DPYD: variants seen among roughly 807,000 people sequenced by gnomAD.
DPYD encodes the protein dihydropyrimidine dehydrogenase [NADP(+)].
Under a neutral mutation model 116.2 loss-of-function variants are expected in DPYD, and 109 were observed. The ratio of observed to expected loss-of-function variants is 0.94; its 90% CI spans 0.80 to 1.10. The LOEUF is 1.10. Among genes scored for constraint, DPYD ranks in the 50% least tolerant of loss-of-function variants. The pLI is 0.00. For synonymous variants in DPYD, 440 were observed against 432.0 expected, an observed-to-expected ratio of 1.02 and a Z score of -0.23; for missense variants, 1,302 against 1,254.5, an observed-to-expected ratio of 1.04 and a Z score of -0.57.
intron 4 of DPYD, among the ~76,000 whole-genome samples, chr1:97,730,799 T>C (rs896654074): frequency 2.0e-5 from 3 of 151,900 alleles, no homozygotes; most frequent in Admixed American, 6.6e-5. Context: ...TTCTACAATT[T>C]GCTTCAAAGA....
intron 20 of DPYD, among the ~76,000 whole-genome samples, chr1:97,156,714 C>T (rs977582651): frequency 3.3e-5 from 5 of 151,892 alleles, no homozygotes; most frequent in Admixed American, 6.6e-5. Flanking sequence ...TGTGGCTATT[C>T]CTCAGGGACC....
intron 3 of DPYD, among the ~76,000 whole-genome samples, chr1:97,769,375 C>T (rs1391939927): frequency 1.3e-5 from 2 of 152,066 alleles, no homozygotes; most frequent in African/African-American, 2.4e-5. Context: ...CATTTTTCAA[C>T]CAGAGAATAA....
At chr1:97,210,550 C>A (rs963737390) in intron 19 of DPYD, among the ~76,000 whole-genome samples, 4 of 152,058 alleles carry the variant, frequency 2.6e-5, no homozygotes, top group African/African-American at 9.7e-5. Flanking sequence ...CTGCTTTGTG[C>A]CTAATATTAT....
chr1:97,637,549 A>G lies in DPYD; in HGVS notation c.850+41546T>C, dbSNP rs79191654. Among the ~76,000 whole-genome samples, 121 of 152,034 alleles carry G rather than the reference A, an allele frequency of 8.0e-4. No individual in the cohort carries two copies. In the East Asian group the frequency reaches 0.022, roughly 27 times the overall value. On this transcript the variant is annotated intron_variant, in intron 8 of 22. Coordinates refer to ENST00000370192, the MANE Select transcript of DPYD (RefSeq NM_000110.4). The stretch of plus-strand genomic sequence containing the variant: ...CCTAAGGTTGGCAAGCACCCAGAAA[A>G]CCAGGCAAAGGACTAAAGAGCTTTG...
intron 3 of DPYD, among the ~76,000 whole-genome samples, chr1:97,764,449 G>A (rs1278087406): frequency 6.6e-6 from 1 of 151,908 alleles, no homozygotes; most frequent in Non-Finnish European, 1.5e-5. Flanking sequence ...TTAGTACAAA[G>A]GTGACATTAC....
At chr1:97,799,407 T>A (rs1278466740) in intron 3 of DPYD, among the ~76,000 whole-genome samples, 1 of 151,960 alleles carries the variant, frequency 6.6e-6, no homozygotes, top group Non-Finnish European at 1.5e-5. Context: ...TTACTGAGTA[T>A]ATGACAGTAA....
At chr1:97,228,862 G>A (rs1299230667) in intron 19 of DPYD, among the ~76,000 whole-genome samples, 2 of 152,058 alleles carry the variant, frequency 1.3e-5, no homozygotes, top group African/African-American at 2.4e-5. Flanking sequence ...GAGGCTAAGG[G>A]CTTTGAGCTG....
intron 5 of DPYD, chr1:97,700,062 A>G: frequency 2.9e-6 from 1 of 349,650 alleles, no homozygotes; most frequent in South Asian, 2.2e-5. Flanking sequence ...ATGATTTAAA[A>G]AAATAGTTGA....
At chr1:97,624,970 G>A (rs1425516604) in intron 8 of DPYD, among the ~76,000 whole-genome samples, 1 of 151,892 alleles carries the variant, frequency 6.6e-6, no homozygotes, top group African/African-American at 2.4e-5. Flanking sequence ...TGGGGAATGG[G>A]GTGATGATGG....
At chr1:97,522,896 A>G (rs977287416) in intron 12 of DPYD, among the ~76,000 whole-genome samples, 1 of 152,092 alleles carries the variant, frequency 6.6e-6, no homozygotes, top group Non-Finnish European at 1.5e-5. Context: ...TATCTTTAAT[A>G]ATTATTTTTA....
intron 16 of DPYD, among the ~76,000 whole-genome samples, chr1:97,314,893 C>A (rs1667725094): frequency 6.6e-6 from 1 of 152,020 alleles, no homozygotes; most frequent in Admixed American, 6.6e-5. Flanking sequence ...AGACACTGAG[C>A]CTCTCAGGGG....
chr1:97,842,276 A>G (rs1670075848), intron 2 of DPYD, among the ~76,000 whole-genome samples: 1 of 151,992 alleles, frequency 6.6e-6, no homozygotes, highest in African/African-American at 2.4e-5. Flanking sequence ...CTATATTGTT[A>G]TCCTTGTTAG....
rs181736269 is a variant in DPYD, at chr1:97,539,990, C to G, written c.1524+9570G>C. 3.7e-4 allele frequency among the ~76,000 whole-genome samples: 54 copies of G among 144,904 alleles called. 1 individual carries two copies. The East Asian group carries it at 0.01, about 28-fold the overall frequency. ...GCTGTGTGAGTGGATAAAACAAACT[C>G]AGTTTCTCCACTAAAATCTCACAAC... On this transcript the variant is annotated intron_variant, in intron 12 of 22. Coordinates refer to ENST00000370192, the MANE Select transcript of DPYD (RefSeq NM_000110.4).
chr1:97,476,874 T>C (rs935060852), intron 13 of DPYD, among the ~76,000 whole-genome samples: 2 of 152,222 alleles, frequency 1.3e-5, no homozygotes, highest in Admixed American at 6.5e-5. Flanking sequence ...GTATAAAATA[T>C]ATACACTATG....
chr1:97,694,085 G>T (rs1193600873), intron 6 of DPYD, among the ~76,000 whole-genome samples: 1 of 152,158 alleles, frequency 6.6e-6, no homozygotes, highest in Non-Finnish European at 1.5e-5. Flanking sequence ...AAGCCAGGCT[G>T]CTGGAGTTCA....
At chr1:97,283,114 A>G (rs1665434308) in intron 18 of DPYD, among the ~76,000 whole-genome samples, 1 of 152,124 alleles carries the variant, frequency 6.6e-6, no homozygotes, top group Non-Finnish European at 1.5e-5. Context: ...AATTTAGTAC[A>G]ATTGTTAAAA....
intron 18 of DPYD, among the ~76,000 whole-genome samples, chr1:97,281,488 G>T (rs951829635): frequency 6.6e-6 from 1 of 151,786 alleles, no homozygotes; most frequent in Non-Finnish European, 1.5e-5. Context: ...CTCTATAACT[G>T]ATAGAAGAAA....
At position 97,565,293 on chromosome 1, in the gene DPYD, C is replaced by T. The variant is rs1262017479; in HGVS notation, c.1339+8467G>A. On this transcript the variant is annotated intron_variant, in intron 11 of 22. Transcript: ENST00000370192. ...TATTTGAAGATTATTACAAATGGTG[C>T]ACAATCCAAGCAGAGAGAAGGAAGC... 2.0e-5 allele frequency among the ~76,000 whole-genome samples: 3 copies of T among 152,132 alleles called. No homozygotes were observed. In the East Asian group the frequency reaches 5.8e-4, roughly 29 times the overall value.
At chr1:97,870,343 C>T (rs1671593479) in intron 2 of DPYD, among the ~76,000 whole-genome samples, 4 of 151,846 alleles carry the variant, frequency 2.6e-5, no homozygotes, top group African/African-American at 7.2e-5. Context: ...AATATCCTGG[C>T]TTAATGAAAA....
Sources: gnomAD v4.1 joint callset for allele counts (sites outside exome capture counted in the v4.1 genomes callset) on GRCh38, gnomAD v4.1.1 for gene constraint, MANE v1.5 for transcripts, NCBI Gene and HGNC (gene_info 2026-07-23, HGNC 2026-07-21) for gene names.